HDAC9: variants seen among roughly 807,000 people sequenced by gnomAD.
HDAC9 encodes histone deacetylase 9, also known as MEF-2 interacting transcription repressor (MITR) protein.
Under a neutral mutation model 139.4 loss-of-function variants are expected in HDAC9, and 41 were observed. The observed-to-expected ratio is 0.29, with a 90% CI of 0.23 to 0.38. The LOEUF (loss-of-function observed/expected upper bound fraction) is 0.38. Ranked by LOEUF, HDAC9 falls within the 10% of genes least tolerant of loss-of-function variation. The pLI is 1.00. For synonymous variants in HDAC9, 517 were observed against 476.2 expected (o/e 1.09, Z -1.12); for missense variants, 1,147 against 1,297.0 (o/e 0.88, Z 1.78).
chr7:18,507,719 G>A (rs1800253563), intron 2 of HDAC9, among the ~76,000 whole-genome samples: 1 of 152,000 alleles, frequency 6.6e-6, no homozygotes, highest in South Asian at 2.1e-4. Context: ...TCGATCTCTC[G>A]ACCTCAGGTG....
chr7:18,811,011 G>A (rs1333048759), intron 17 of HDAC9, among the ~76,000 whole-genome samples: 1 of 151,796 alleles, frequency 6.6e-6, no homozygotes, highest in Non-Finnish European at 1.5e-5. Flanking sequence ...AGAAAACAAT[G>A]TTACAGCTTA....
chr7:18,465,729 G>A (rs116058137), intron 1 of HDAC9, among the ~76,000 whole-genome samples: 132 of 152,158 alleles, frequency 8.7e-4, no homozygotes, highest in African/African-American at 3.1e-3. Flanking sequence ...CTTTCCCAAA[G>A]TACAATAATT....
At chr7:18,968,683 G>A (rs1784043998) in intron 24 of HDAC9, among the ~76,000 whole-genome samples, 1 of 152,112 alleles carries the variant, frequency 6.6e-6, no homozygotes, top group Non-Finnish European at 1.5e-5. Flanking sequence ...TTTATCCCTG[G>A]ACGCAGTGGC....
At chr7:18,785,385 A>G (rs1791624943) in intron 16 of HDAC9, among the ~76,000 whole-genome samples, 2 of 152,012 alleles carry the variant, frequency 1.3e-5, no homozygotes, top group Admixed American at 1.3e-4. Context: ...TCTATGCACT[A>G]GAAGCCAGTA....
intron 21 of HDAC9, 105 bp from the exon 22 acceptor site, chr7:18,874,373 T>G: frequency 3.5e-6 from 2 of 573,776 alleles, no homozygotes; most frequent in Non-Finnish European, 6.4e-6. Context: ...CCCCTTTTCT[T>G]TATTCTTGGG....
intron 22 of HDAC9, among the ~76,000 whole-genome samples, chr7:18,904,661 C>T (rs1356065800): frequency 2.7e-5 from 4 of 150,230 alleles, no homozygotes; most frequent in Non-Finnish European, 4.4e-5. Flanking sequence ...CTGCAAGCTC[C>T]GCCTCCCGGG....
intron 25 of HDAC9, among the ~76,000 whole-genome samples, 151 bp downstream of exon 25, chr7:18,976,104 T>C (rs1784532836): frequency 6.6e-6 from 1 of 152,190 alleles, no homozygotes; most frequent in Non-Finnish European, 1.5e-5. Flanking sequence ...AGCACATGCT[T>C]TAGGCTATCG....
intron 13 of HDAC9, among the ~76,000 whole-genome samples, chr7:18,734,334 CTT>C (rs1302700403): frequency 6.6e-6 from 1 of 152,164 alleles, no homozygotes; most frequent in Admixed American, 6.5e-5. Flanking sequence ...TACCCATCAA[CTT>C]ATCATTTACA....
intron 22 of HDAC9, among the ~76,000 whole-genome samples, chr7:18,916,057 C>G (rs930402852): frequency 2.0e-5 from 3 of 146,628 alleles, no homozygotes; most frequent in Non-Finnish European, 4.5e-5. Flanking sequence ...GACAAAGAAC[C>G]TTAGTCGTTA....
intron 2 of HDAC9, among the ~76,000 whole-genome samples, chr7:18,207,354 A>G (rs1791597179): frequency 6.6e-6 from 1 of 152,094 alleles, no homozygotes. Context: ...AACTGGAAAC[A>G]AGAAAATAAA....
chr7:18,776,348 C>G (rs951912497), intron 16 of HDAC9, among the ~76,000 whole-genome samples: 2 of 152,048 alleles, frequency 1.3e-5, no homozygotes, highest in African/African-American at 4.8e-5. Context: ...CTGGTGCAGA[C>G]TATTCTCTGT....
chr7:18,784,716 C>T (rs1486217399), intron 16 of HDAC9, among the ~76,000 whole-genome samples: 1 of 151,956 alleles, frequency 6.6e-6, no homozygotes, highest in South Asian at 2.1e-4. Flanking sequence ...AAATGTTATA[C>T]CCATCTCTCA....
At chr7:18,403,352 A>G (rs1787716184) in intron 1 of HDAC9, among the ~76,000 whole-genome samples, 1 of 152,112 alleles carries the variant, frequency 6.6e-6, no homozygotes, top group African/African-American at 2.4e-5. Context: ...GATCAATACT[A>G]ATTTATTGGG....
chr7:18,101,792 T>C (rs1432112325), intron 1 of HDAC9, among the ~76,000 whole-genome samples: 1 of 152,234 alleles, frequency 6.6e-6, no homozygotes, highest in African/African-American at 2.4e-5. Context: ...GTTAAATTTG[T>C]TGAGCATAAT....
rs1024561523 is a variant in HDAC9 at position 18,790,550 on chromosome 7, C to A, written c.2215-2795C>A. Among the ~76,000 whole-genome samples the A allele has an allele frequency of 5.9e-5, 9 of 152,240 alleles. No homozygotes were observed. The East Asian group carries it at 1.7e-3, about 29-fold the overall frequency. On this transcript the variant is annotated intron_variant, in intron 16 of 25. Transcript: ENST00000686413. ...AAATTTCTTTTGTTTAAGCTACCTACCCCTTGGTATTTTGTTATGGCAACC... is the reference window on the plus strand; with the variant it reads ...AAATTTCTTTTGTTTAAGCTACCTAACCCTTGGTATTTTGTTATGGCAACC...
chr7:18,340,186 T>A (rs960597682), intron 1 of HDAC9, among the ~76,000 whole-genome samples: 1 of 151,610 alleles, frequency 6.6e-6, no homozygotes, highest in Non-Finnish European at 1.5e-5. Flanking sequence ...AAACTATATG[T>A]CTTAAACTTT....
chr7:18,911,687 A>G (rs1802755190), intron 22 of HDAC9, among the ~76,000 whole-genome samples: 1 of 150,562 alleles, frequency 6.6e-6, no homozygotes, highest in Non-Finnish European at 1.5e-5. Context: ...GGTTTTGGTG[A>G]GTTGTTTTTC....
At chr7:18,203,512 C>T (rs764218715) in intron 2 of HDAC9, among the ~76,000 whole-genome samples, 7 of 151,972 alleles carry the variant, frequency 4.6e-5, no homozygotes, top group Non-Finnish European at 2.9e-5. Flanking sequence ...CATACTATTC[C>T]AAGTAGAAAA....
chr7:18,131,176 T>C (rs1784975812), intron 1 of HDAC9, among the ~76,000 whole-genome samples: 1 of 152,178 alleles, frequency 6.6e-6, no homozygotes, highest in African/African-American at 2.4e-5. Flanking sequence ...AGCATACATT[T>C]TGACATTTTA....
Sources: gnomAD v4.1 joint callset for allele counts (sites outside exome capture counted in the v4.1 genomes callset) on GRCh38, gnomAD v4.1.1 for gene constraint, MANE v1.5 for transcripts, NCBI Gene and HGNC (gene_info 2026-07-23, HGNC 2026-07-21) for gene names.